BBS5: variants seen among roughly 807,000 people sequenced by gnomAD.
BBS5 encodes the protein Bardet-Biedl syndrome 5.
A neutral mutation model predicts 50.2 loss-of-function variants in BBS5; 39 were observed. That is an observed-to-expected ratio of 0.78 (90% confidence interval 0.60 to 1.01). BBS5 has a LOEUF of 1.01. Ranked by LOEUF, BBS5 falls within the 50% of genes least tolerant of loss-of-function variation. The probability of loss-of-function intolerance (pLI) is 0.00; values close to 1 mark genes in which losing one functional copy is unlikely to be tolerated. For synonymous variants in BBS5, 134 were observed against 133.1 expected (o/e 1.01, Z -0.05); for missense variants, 356 against 401.5 (o/e 0.89, Z 0.97).
Position 169,505,167 on chromosome 2 carries a change from G to T in BBS5, c.*585G>T. ...AGACGGGGTTTCGCTGTGTTGGCCG[G>T]GCTGGTCTCCAGCTCCTAACCGCGA... On this transcript the variant is annotated 3_prime_UTR_variant, in exon 12 of 12. Transcript: ENST00000295240. 4.9e-6 allele frequency: 3 copies of T among 611,880 alleles called. No homozygotes were observed. The South Asian group carries it at 5.4e-5, about 11-fold the overall frequency. The allele number at this position is 611,880 out of a possible 1,614,324, so 37.9% of individuals were successfully genotyped here.
rs1683889237 is a variant in BBS5 at position 169,505,283 on chromosome 2, G to A, written c.*701G>A. ...TCAATGGTGCCCAGGCTGGAGTGCA[G>A]TGGCGTGATCTCCGCTCGCTACAAC... On this transcript the variant is annotated 3_prime_UTR_variant, in exon 12 of 12. Coordinates refer to ENST00000295240, the MANE Select transcript of BBS5 (RefSeq NM_152384.3). 2.5e-6 allele frequency: 1 copy of A among 403,298 alleles called. No homozygotes were observed. The highest frequency in any genetic ancestry group is 2.1e-5 in the African/African-American group (1 of 48,180). 25.0% of individuals were successfully genotyped at this position (403,298 alleles called of 1,614,324 possible).
Position 169,488,721 on chromosome 2 carries a change from A to G in BBS5, c.386+607A>G, listed in dbSNP as rs560704488. Among the ~76,000 whole-genome samples, 5 of 152,358 alleles carry G rather than the reference A, an allele frequency of 3.3e-5. No homozygotes were observed. The East Asian group carries it at 5.8e-4, about 18-fold the overall frequency. ...ATATCAGGAAGATGTTGAGAACAAC[A>G]TGTTTTATTATTTAATAAACACTTT... On this transcript the variant is annotated intron_variant, in intron 5 of 11. Coordinates refer to ENST00000295240, the MANE Select transcript of BBS5 (RefSeq NM_152384.3).
At chr2:169,488,175 A>G in intron 5 of BBS5, 61 bp downstream of exon 5, 1 of 1,536,740 alleles carries the variant, frequency 6.5e-7, no homozygotes, top group South Asian at 1.1e-5. Flanking sequence ...TTTAGACTGC[A>G]ACAGTCCCCA....
chr2:169,487,590 GT>G (rs527424110), intron 3 of BBS5, among the ~76,000 whole-genome samples: 35 of 151,704 alleles, frequency 2.3e-4, no homozygotes, highest in African/African-American at 8.4e-4. Flanking sequence ...TTTTTCCTGT[GT>G]TATATTTTTG....
intron 2 of BBS5, among the ~76,000 whole-genome samples, chr2:169,484,520 C>G (rs921890091): frequency 6.6e-6 from 1 of 152,182 alleles, no homozygotes; most frequent in African/African-American, 2.4e-5. Flanking sequence ...TTCTAGCCAT[C>G]TCCCTCCCCT....
chr2:169,488,214 T>C lies in BBS5; in HGVS notation c.386+100T>C, dbSNP rs1177716758. The C allele has an allele frequency of 9.3e-6, 11 of 1,187,714 alleles. No homozygotes were observed. In the Middle Eastern group the frequency reaches 1.7e-3, roughly 183 times the overall value. 73.6% of individuals were successfully genotyped at this position (1,187,714 alleles called of 1,614,324 possible). Reference sequence around the variant, plus strand: ...TTTTTGGCACCAGGGACCAGTTTCATGGAAGACAGTTTTTCCACGAATTGG... The same window carrying C: ...TTTTTGGCACCAGGGACCAGTTTCACGGAAGACAGTTTTTCCACGAATTGG... On this transcript the variant is annotated intron_variant, in intron 5 of 11. Coordinates refer to ENST00000295240, the MANE Select transcript of BBS5 (RefSeq NM_152384.3).
intron 5 of BBS5, among the ~76,000 whole-genome samples, chr2:169,489,851 CTTTTTTTTTTTTTTTTTTT>C (rs71003093): frequency 4.6e-5 from 3 of 65,882 alleles, no homozygotes; most frequent in African/African-American, 1.7e-4. Flanking sequence ...CATAAATTTC[CTTTTTTTTTTTTTTTTTTT>C]TTTTTTTTTT....
At chr2:169,486,671 G>A (rs2105294042) in intron 2 of BBS5, among the ~76,000 whole-genome samples, 1 of 152,280 alleles carries the variant, frequency 6.6e-6, no homozygotes, top group South Asian at 2.1e-4. Flanking sequence ...GTATGTGAGA[G>A]TTCTTTGAAA....
intron 7 of BBS5, 29 bp downstream of exon 7, chr2:169,493,865 T>A: frequency 1.4e-6 from 2 of 1,416,524 alleles, no homozygotes; most frequent in Non-Finnish European, 2.0e-6. Flanking sequence ...ATGACCTTAT[T>A]TTAATGTAAA....
Position 169,482,306 on chromosome 2 carries a change from G to T in BBS5, c.115G>T (p.Asp39Tyr), listed in dbSNP as rs753880601. Residue 39 changes from aspartate (D) to tyrosine (Y), a missense_variant, in exon 2 of 12, where the codon GAC (aspartate) becomes TAC (tyrosine). Asp to Tyr is a radical substitution (Grantham distance 160, BLOSUM62 -3). Coordinates refer to ENST00000295240, the MANE Select transcript of BBS5 (RefSeq NM_152384.3). ...VLIDCLDSIEDTKGNNGDRGR... is the reference protein window; with the variant it reads ...VLIDCLDSIEYTKGNNGDRGR... ...TATTGATTGTTTAGATTCCATTGAAGACACCAAAGGAAATAATGGAGATAG... is the reference window on the plus strand; with the variant it reads ...TATTGATTGTTTAGATTCCATTGAATACACCAAAGGAAATAATGGAGATAG... 6.2e-7 allele frequency: 1 copy of T among 1,604,988 alleles called. No individual in the cohort carries two copies. Among genetic ancestry groups the T allele is most frequent in the Non-Finnish European group, 8.5e-7 (1 of 1,171,846 alleles).
In BBS5 at chr2:169,500,657, C is replaced by T. The variant is rs374749879; in HGVS notation, c.816+1037C>T. On this transcript the variant is annotated intron_variant, in intron 9 of 11. Coordinates refer to ENST00000295240, the MANE Select transcript of BBS5 (RefSeq NM_152384.3). The stretch of plus-strand genomic sequence containing the variant: ...TCTGCTCTTGGACTACAGCATGTGA[C>T]TTTAGTGAGGCCCTTGTTGCCTGGT... Among the ~76,000 whole-genome samples the T allele has an allele frequency of 6.4e-4, 98 of 152,328 alleles. 3 individuals are homozygous for T. The South Asian group carries it at 0.02, about 32-fold the overall frequency.
At chr2:169,491,841 G>T (rs1683607894) in intron 5 of BBS5, among the ~76,000 whole-genome samples, 1 of 152,162 alleles carries the variant, frequency 6.6e-6, no homozygotes, top group African/African-American at 2.4e-5. Context: ...CTGTGGCCCA[G>T]GCTGGAGTGC....
In BBS5 at chr2:169,499,519, C is replaced by G. The variant is rs1292074000; in HGVS notation, c.715C>G (p.Pro239Ala). The change falls in exon 9 of 12, where the codon CCT (proline) becomes GCT (alanine). Residue 239 changes from proline to alanine, a missense_variant. Physicochemically the swap from Pro to Ala is conservative, Grantham distance 27. Transcript: ENST00000295240. ...GGYVLGFKID[P>A]VEKLQESVKE... Reference sequence around the variant, plus strand: ...ATATGTTCTTGGCTTTAAAATAGATCCTGTGGAAAAACTACAAGAATCAGT... The same window carrying G: ...ATATGTTCTTGGCTTTAAAATAGATGCTGTGGAAAAACTACAAGAATCAGT... The G allele has an allele frequency of 4.3e-6, 7 of 1,612,906 alleles. No individual in the cohort carries two copies. The highest frequency in any genetic ancestry group is 1.6e-4 in the Middle Eastern group (1 of 6,082).
intron 5 of BBS5, among the ~76,000 whole-genome samples, chr2:169,489,462 CAAAAAAAAAAAATTTTTTTTTTTTTTA>C (rs1683551158): frequency 7.0e-6 from 1 of 142,334 alleles, no homozygotes; most frequent in South Asian, 2.4e-4. Context: ...GACTCTGTCT[CAAAAAAAAAAAATTTTTTTTTTTTTTA>C]GAGACGGGGT....
At position 169,505,288 on chromosome 2, in the gene BBS5, G is replaced by A. The variant is rs1047271401; in HGVS notation, c.*706G>A. On this transcript the variant is annotated 3_prime_UTR_variant, in exon 12 of 12. Transcript: ENST00000295240. ...GGTGCCCAGGCTGGAGTGCAGTGGC[G>A]TGATCTCCGCTCGCTACAACCTCCA... is the stretch of plus-strand genomic sequence containing the variant. 10 of 396,460 alleles carry A rather than the reference G, an allele frequency of 2.5e-5. No individual in the cohort carries two copies. The highest frequency in any genetic ancestry group is 1.3e-4 in the African/African-American group (6 of 47,908). The allele number at this position is 396,460 out of a possible 1,614,324, so 24.6% of individuals were successfully genotyped here.
chr2:169,490,675 C>CA (rs1348164549), intron 5 of BBS5, among the ~76,000 whole-genome samples: 2 of 152,012 alleles, frequency 1.3e-5, no homozygotes, highest in African/African-American at 4.8e-5. Context: ...TTTTACATAA[C>CA]AAAATTTACG....
chr2:169,494,951 A>T (rs1683668791), intron 7 of BBS5, among the ~76,000 whole-genome samples: 1 of 152,190 alleles, frequency 6.6e-6, no homozygotes, highest in Admixed American at 6.5e-5. Context: ...TTCTTTGCAA[A>T]ATATTCCCAA....
intron 5 of BBS5, among the ~76,000 whole-genome samples, chr2:169,490,350 C>T (rs576343525): frequency 3.6e-4 from 55 of 151,880 alleles, no homozygotes; most frequent in African/African-American, 1.3e-3. Context: ...CCTGCCACCA[C>T]GCCCGGCTAA....
intron 9 of BBS5, among the ~76,000 whole-genome samples, chr2:169,502,436 A>T (rs1683826785): frequency 6.6e-6 from 1 of 152,190 alleles, no homozygotes; most frequent in African/African-American, 2.4e-5. Context: ...GAAGCATATA[A>T]TAGTGTTGAT....
Sources: allele counts gnomAD v4.1 joint callset (sites outside exome capture counted in the v4.1 genomes callset), GRCh38; gene constraint gnomAD v4.1.1; transcripts MANE v1.5; gene names NCBI Gene and HGNC (gene_info 2026-07-23, HGNC 2026-07-21).